The following CTTNBP2 variants were observed in gnomAD, a reference collection of about 807,000 sequenced individuals.
CTTNBP2 encodes the protein cortactin-binding protein 2.
A neutral mutation model predicts 156.9 loss-of-function variants in CTTNBP2; 108 were observed. The ratio of observed to expected loss-of-function variants is 0.69; its 90% confidence interval spans 0.59 to 0.81. The LOEUF (loss-of-function observed/expected upper bound fraction) is 0.81, where lower values mean the gene tolerates loss of function less well. Among genes scored for constraint, CTTNBP2 ranks in the 30% least tolerant of loss-of-function variants. The pLI, the probability that CTTNBP2 is intolerant of heterozygous loss-of-function variation, is 0.00. For synonymous variants in CTTNBP2, 767 were observed against 751.8 expected (o/e 1.02, Z -0.33); for missense variants, 1,924 against 2,035.4 (o/e 0.95, Z 1.05).
chr7:117,724,772 A>C, intron 18 of CTTNBP2, 40 bp from the exon 19 acceptor site: 2 of 1,601,192 alleles, frequency 1.2e-6, no homozygotes, highest in Non-Finnish European at 8.5e-7. Flanking sequence ...ATGCAGTTTC[A>C]CTGATTAAAG....
Position 117,792,710 on chromosome 7 carries a change from T to C in CTTNBP2, c.486A>G (p.Glu162=). The C allele has an allele frequency of 2.5e-6, 4 of 1,610,794 alleles. No homozygotes were observed. The highest frequency in any genetic ancestry group is 3.4e-6 in the Non-Finnish European group (4 of 1,178,184). Residue 162 remains glutamate, a synonymous_variant, in exon 4 of 23, where the codon GAA becomes GAG. Transcript: ENST00000160373. This position sits in a 1 kb window ranked among gnomAD's most constrained non-coding sequence, Gnocchi z 4.2. The part of the protein sequence containing the change: ...EHKKLAARLE[E]ERGKNKQVVL... ...CCACCTGCTTGTTCTTGCCACGCTCTTCCTCAAGGCGGGCAGCCAGCTTCT... is the reference window on the plus strand; with the variant it reads ...CCACCTGCTTGTTCTTGCCACGCTCCTCCTCAAGGCGGGCAGCCAGCTTCT...
chr7:117,769,488 T>C (rs774898562), intron 8 of CTTNBP2, among the ~76,000 whole-genome samples: 1 of 152,184 alleles, frequency 6.6e-6, no homozygotes, highest in Admixed American at 6.5e-5. Flanking sequence ...TCTCTAAAGC[T>C]TGCCATTTAA....
chr7:117,747,591 G>T (rs1796402480), intron 12 of CTTNBP2, among the ~76,000 whole-genome samples: 1 of 152,154 alleles, frequency 6.6e-6, no homozygotes, highest in South Asian at 2.1e-4. Flanking sequence ...TGGCAAATAC[G>T]GTGAAACCCC....
intron 8 of CTTNBP2, among the ~76,000 whole-genome samples, chr7:117,768,182 C>T (rs1333300558): frequency 1.3e-5 from 2 of 152,006 alleles, no homozygotes; most frequent in African/African-American, 2.4e-5. Flanking sequence ...TCTTGTATAG[C>T]CTTTTCTTAT....
intron 1 of CTTNBP2, among the ~76,000 whole-genome samples, chr7:117,863,146 C>G (rs1432999227): frequency 6.6e-6 from 1 of 152,234 alleles, no homozygotes; most frequent in East Asian, 1.9e-4. Flanking sequence ...AGAGATATGA[C>G]GGTACAAAGG....
At chr7:117,723,992 A>G (rs1050343003) in intron 19 of CTTNBP2, among the ~76,000 whole-genome samples, 1 of 151,918 alleles carries the variant, frequency 6.6e-6, no homozygotes, top group Non-Finnish European at 1.5e-5. Flanking sequence ...GGTCTCTCTC[A>G]GTTCTGGGAT....
At chr7:117,866,540 C>T (rs1310484697) in intron 1 of CTTNBP2, among the ~76,000 whole-genome samples, 1 of 152,170 alleles carries the variant, frequency 6.6e-6, no homozygotes, top group Non-Finnish European at 1.5e-5. Context: ...GCCTATTTTC[C>T]ATCAGTAAGC....
At chr7:117,779,729 CATAT>C (rs145722031) in intron 7 of CTTNBP2, among the ~76,000 whole-genome samples, 1 of 147,496 alleles carries the variant, frequency 6.8e-6, no homozygotes, top group Admixed American at 6.8e-5. Context: ...TACATCTCTG[CATAT>C]ATATATATAT....
chr7:117,737,754 T>G (rs1795785892), intron 14 of CTTNBP2, among the ~76,000 whole-genome samples: 2 of 152,070 alleles, frequency 1.3e-5, no homozygotes, highest in African/African-American at 4.8e-5. Context: ...TTTTTTTTTG[T>G]ATTTTTAATA....
intron 7 of CTTNBP2, among the ~76,000 whole-genome samples, chr7:117,778,838 C>A (rs180944591): frequency 6.6e-6 from 1 of 152,160 alleles, no homozygotes; most frequent in African/African-American, 2.4e-5. Flanking sequence ...ATTTTTCTAC[C>A]TTTAATTTCC....
chr7:117,846,962 A>C (rs1357601249), intron 2 of CTTNBP2, among the ~76,000 whole-genome samples: 2 of 152,182 alleles, frequency 1.3e-5, no homozygotes, highest in East Asian at 3.8e-4. Context: ...CAGGAGTTAC[A>C]CTTGGTTAGT....
chr7:117,755,126 C>A (rs1024506872), intron 12 of CTTNBP2, among the ~76,000 whole-genome samples: 3 of 152,188 alleles, frequency 2.0e-5, no homozygotes, highest in African/African-American at 7.2e-5. Context: ...CCATCACAGG[C>A]ATACTTTCAT....
intron 22 of CTTNBP2, among the ~76,000 whole-genome samples, chr7:117,713,546 C>T (rs1006888456): frequency 2.0e-5 from 3 of 152,108 alleles, no homozygotes; most frequent in African/African-American, 7.2e-5. Context: ...CAACCTAATC[C>T]AATGTTACCC....
At chr7:117,763,555 C>CTTTTTTTTTTTTTTTTTTTT (rs767309488) in intron 9 of CTTNBP2, among the ~76,000 whole-genome samples, 1 of 103,456 alleles carries the variant, frequency 9.7e-6, no homozygotes, top group Admixed American at 1.0e-4. Context: ...TCTTCTTCTT[C>CTTTTTTTTTTTTTTTTTTTT]TTTTTTTTTT....
chr7:117,847,372 C>T (rs1358340108), intron 2 of CTTNBP2, among the ~76,000 whole-genome samples: 3 of 152,226 alleles, frequency 2.0e-5, no homozygotes, highest in African/African-American at 7.2e-5. Context: ...CCTGTCTCTA[C>T]TAAAAATAGA....
intron 7 of CTTNBP2, among the ~76,000 whole-genome samples, chr7:117,778,357 C>T (rs1044734638): frequency 3.9e-5 from 6 of 152,136 alleles, no homozygotes; most frequent in African/African-American, 1.4e-4. Context: ...CAGAGGGATA[C>T]TGATCATTAT....
chr7:117,772,454 A>G (rs1797848038), intron 8 of CTTNBP2, among the ~76,000 whole-genome samples: 1 of 152,198 alleles, frequency 6.6e-6, no homozygotes, highest in African/African-American at 2.4e-5. Flanking sequence ...TTGGCCAAGA[A>G]GCCTAAACAT....
At chr7:117,823,204 C>T (rs1446342800) in intron 2 of CTTNBP2, among the ~76,000 whole-genome samples, 5 of 152,172 alleles carry the variant, frequency 3.3e-5, no homozygotes, top group Admixed American at 1.3e-4. Flanking sequence ...GACTCTCTCA[C>T]AATGTTCATT....
chr7:117,844,706 G>A (rs1055776780), intron 2 of CTTNBP2, among the ~76,000 whole-genome samples: 2 of 152,108 alleles, frequency 1.3e-5, no homozygotes, highest in Non-Finnish European at 2.9e-5. Context: ...ATATGTGAGT[G>A]GGACAGACTT....
Sources: gnomAD v4.1 joint callset for allele counts (sites outside exome capture counted in the v4.1 genomes callset) on GRCh38, gnomAD v4.1.1 for gene constraint, Gnocchi (gnomAD v3.1) non-coding constraint, MANE v1.5 for transcripts, NCBI Gene and HGNC (gene_info 2026-07-23, HGNC 2026-07-21) for gene names.